The following MIA3 variants were observed in gnomAD, a reference collection of about 807,000 sequenced individuals.
The protein encoded by MIA3 is transport and Golgi organization protein 1 homolog.
A neutral mutation model predicts 192.4 loss-of-function variants in MIA3; 90 were observed. The observed-to-expected ratio is 0.47, with a 90% CI of 0.39 to 0.56. MIA3 has a LOEUF of 0.56. Ranked by LOEUF, MIA3 falls within the 20% of genes least tolerant of loss-of-function variation. The pLI, the probability that MIA3 is intolerant of heterozygous loss-of-function variation, is 0.00. For synonymous variants in MIA3, 740 were observed against 792.8 expected, an observed-to-expected ratio of 0.93 and a Z score of 1.12; for missense variants, 2,123 against 2,269.4, an observed-to-expected ratio of 0.94 and a Z score of 1.31.
intron 6 of MIA3, chr1:222,641,842 T>C (rs1662874299): frequency 2.0e-6 from 1 of 510,304 alleles, no homozygotes; most frequent in Non-Finnish European, 4.0e-6. Flanking sequence ...CAGATTCATC[T>C]CTGTGATAGT....
At position 222,632,256 on chromosome 1, in the gene MIA3, A is replaced by T. The variant is rs1662430806; in HGVS notation, c.3261A>T (p.Gln1087His). 2 of 1,614,056 alleles carry T rather than the reference A, an allele frequency of 1.2e-6. No homozygotes were observed. Among genetic ancestry groups the T allele is most frequent in the South Asian group, 2.2e-5 (2 of 91,088 alleles). The stretch of plus-strand genomic sequence containing the variant: ...CTGAAGAACCCACCCACTTGGACCA[A>T]CGTGTGATTGGGGACACTCATGCCT... Reference protein sequence around the residue: ...QVPEEPTHLDQRVIGDTHASE... With the variant: ...QVPEEPTHLDHRVIGDTHASE... The change falls in exon 5 of 28, where the codon CAA becomes CAT. Residue 1087 changes from glutamine (Q) to histidine (H), a missense_variant. Coordinates refer to ENST00000344922, the MANE Select transcript of MIA3 (RefSeq NM_198551.4).
chr1:222,622,992 G>T (rs1473237705), intron 2 of MIA3, among the ~76,000 whole-genome samples: 2 of 152,200 alleles, frequency 1.3e-5, no homozygotes, highest in African/African-American at 4.8e-5. Context: ...GCTTTGTATG[G>T]CAGTTAATTT....
At chr1:222,639,919 G>C (rs1318890237) in intron 6 of MIA3, among the ~76,000 whole-genome samples, 3 of 152,038 alleles carry the variant, frequency 2.0e-5, no homozygotes, top group African/African-American at 7.2e-5. Context: ...ATCCAGATTG[G>C]GAAATAAGTA....
At chr1:222,658,932 T>A in intron 19 of MIA3, 109 bp downstream of exon 19, 5 of 658,002 alleles carry the variant, frequency 7.6e-6, no homozygotes, top group Non-Finnish European at 1.3e-5. Flanking sequence ...ATACATCAAT[T>A]CACACAAAAG....
rs1174899648 is a variant in MIA3, at chr1:222,629,195, C to T, written c.1975C>T (p.Gln659Ter). Reference sequence around the variant, plus strand: ...TCTGGGAAGAAATCTTCCCTGGCAACAAGAAAGAGATGTGGCTGCCACAGC... The same window carrying T: ...TCTGGGAAGAAATCTTCCCTGGCAATAAGAAAGAGATGTGGCTGCCACAGC... ...PILGRNLPWQQERDVAATASK... is the reference protein window; with the variant it reads ...PILGRNLPWQ Residue 659 changes from glutamine (Q) to a stop codon, truncating the protein, a stop_gained, in exon 4 of 28, where the codon CAA becomes TAA. Transcript: ENST00000344922. LOFTEE classifies it high-confidence loss of function. 6.2e-7 allele frequency: 1 copy of T among 1,614,074 alleles called. No individual in the cohort carries two copies. Among genetic ancestry groups the T allele is most frequent in the Non-Finnish European group, 8.5e-7 (1 of 1,180,016 alleles).
intron 18 of MIA3, among the ~76,000 whole-genome samples, chr1:222,656,457 T>C (rs1663735376): frequency 6.6e-6 from 1 of 152,174 alleles, no homozygotes; most frequent in Non-Finnish European, 1.5e-5. Context: ...ATTATCATTC[T>C]TATTTTCTCT....
At chr1:222,663,538 T>G (rs1430233786) in intron 26 of MIA3, among the ~76,000 whole-genome samples, 1 of 152,206 alleles carries the variant, frequency 6.6e-6, no homozygotes, top group African/African-American at 2.4e-5. Flanking sequence ...TCAGAATTTG[T>G]GTTAATATAT....
At chr1:222,633,941 C>T (rs971064934) in intron 6 of MIA3, among the ~76,000 whole-genome samples, 1 of 151,838 alleles carries the variant, frequency 6.6e-6, no homozygotes, top group African/African-American at 2.4e-5. Context: ...ACCTCTGCCT[C>T]CTGGGCTCAG....
chr1:222,632,994 G>T (rs184034030), intron 5 of MIA3, 110 bp from the exon 6 acceptor site: 52 of 1,131,410 alleles, frequency 4.6e-5, no homozygotes, highest in Non-Finnish European at 5.9e-5. Flanking sequence ...AGATGAGAAC[G>T]TTTACTTTCC....
intron 24 of MIA3, chr1:222,660,569 A>G: frequency 3.9e-6 from 1 of 256,184 alleles, no homozygotes. Flanking sequence ...TTATCTTTCA[A>G]TTAAAGTTCT....
intron 26 of MIA3, among the ~76,000 whole-genome samples, chr1:222,663,752 C>T (rs542617245): frequency 3.3e-5 from 5 of 152,268 alleles, no homozygotes; most frequent in East Asian, 1.9e-4. Flanking sequence ...ATAACCTGTG[C>T]GTTCCCTTCC....
At position 222,628,886 on chromosome 1, in the gene MIA3, A is replaced by C; in HGVS notation, c.1666A>C (p.Ser556Arg). 2 of 1,614,180 alleles carry C rather than the reference A, an allele frequency of 1.2e-6. No individual in the cohort carries two copies. Among genetic ancestry groups the C allele is most frequent in the Non-Finnish European group, 1.7e-6 (2 of 1,180,038 alleles). Residue 556 changes from serine (S) to arginine (R), a missense_variant, in exon 4 of 28, where the codon AGT (serine) becomes CGT (arginine). By Grantham distance (110) the Ser-to-Arg change is moderately radical. Around this residue, in one of 3 missense-constraint regions of MIA3, gnomAD observed 1,357 missense variants for 1,396.1 expected, o/e 0.97. Coordinates refer to ENST00000344922, the MANE Select transcript of MIA3 (RefSeq NM_198551.4). ...GEQILEGGSE[S>R]ESAQKAAGNQ... is the part of the protein sequence containing the mutation. The stretch of plus-strand genomic sequence containing the variant: ...GCAGATTTTGGAAGGTGGCTCAGAG[A>C]GTGAATCTGCACAGAAAGCTGCAGG...
At chr1:222,644,583 G>T (rs1663041888) in intron 6 of MIA3, 1 of 1,550,584 alleles carries the variant, frequency 6.4e-7, no homozygotes. Flanking sequence ...CCAAGCTGCT[G>T]GAGGTGACAG....
intron 11 of MIA3, among the ~76,000 whole-genome samples, chr1:222,651,128 T>C (rs1423853316): frequency 1.3e-5 from 2 of 152,144 alleles, no homozygotes; most frequent in African/African-American, 4.8e-5. Flanking sequence ...AATTGTCATA[T>C]TGCTTGGCTC....
chr1:222,628,211 C>A lies in MIA3; in HGVS notation c.991C>A (p.Leu331Ile), dbSNP rs369272959. 6.2e-7 allele frequency: 1 copy of A among 1,614,124 alleles called. No homozygotes were observed. Among genetic ancestry groups the A allele is most frequent in the African/African-American group, 1.3e-5 (1 of 75,032 alleles). ...NQEDFDELPL[L>I]TFTDGEDMKT... ...AGAAGACTTTGATGAGTTGCCATTA[C>A]TTACCTTTACAGATGGGGAAGATAT... Residue 331 changes from leucine to isoleucine, a missense_variant, in exon 4 of 28, where the codon CTT becomes ATT. Physicochemically the swap from Leu to Ile is conservative, Grantham distance 5. This residue lies in a region of MIA3 where 1,357 missense variants were observed against 1,396.1 expected (regional missense o/e 0.97). Transcript: ENST00000344922.
chr1:222,654,357 T>C, intron 16 of MIA3, 32 bp from the exon 17 acceptor site: 1 of 1,612,226 alleles, frequency 6.2e-7, no homozygotes, highest in Non-Finnish European at 8.5e-7. Flanking sequence ...TGCCTCACTT[T>C]TATGAATACT....
In MIA3 at chr1:222,629,251, C is replaced by G. The variant is rs1013183658; in HGVS notation, c.2031C>G (p.Leu677=). The G allele has an allele frequency of 1.9e-5, 31 of 1,614,066 alleles. No individual in the cohort carries two copies. The highest frequency in any genetic ancestry group is 3.3e-5 in the Admixed American group (2 of 60,008). Residue 677 remains leucine, a synonymous_variant, in exon 4 of 28, where the codon CTC becomes CTG. Coordinates refer to ENST00000344922, the MANE Select transcript of MIA3 (RefSeq NM_198551.4). Reference sequence around the variant, plus strand: ...AGCAAATGAGTGAGAAGATAAGGCTCTCTGAGGGAGAAGCCAAAGAGGACT... The same window carrying G: ...AGCAAATGAGTGAGAAGATAAGGCTGTCTGAGGGAGAAGCCAAAGAGGACT... The part of the protein sequence containing the change: ...ASKQMSEKIR[L]SEGEAKEDSL...
rs1443396413 is a variant in MIA3 at position 222,642,623 on chromosome 1, A to T, written c.3478-2931A>T. On this transcript the variant is annotated intron_variant, in intron 6 of 27. Coordinates refer to ENST00000344922, the MANE Select transcript of MIA3 (RefSeq NM_198551.4). ...AGGTAAATACACAAGTTATTTCAGG[A>T]GACGTTGCCAAATCATAGGGGTTGT... Among the ~76,000 whole-genome samples, 3 of 152,218 alleles carry T rather than the reference A, an allele frequency of 2.0e-5. No individual in the cohort carries two copies. The East Asian group carries it at 5.8e-4, about 29-fold the overall frequency.
At chr1:222,658,355 A>G (rs1176551391) in intron 18 of MIA3, among the ~76,000 whole-genome samples, 1 of 152,220 alleles carries the variant, frequency 6.6e-6, no homozygotes, top group Non-Finnish European at 1.5e-5. Flanking sequence ...ATGGTTAGAA[A>G]TAAGAGAATT....
Sources: gnomAD v4.1 joint callset for allele counts (sites outside exome capture counted in the v4.1 genomes callset) on GRCh38, gnomAD v4.1.1 for gene constraint, gnomAD v4.1.1 regional missense constraint, MANE v1.5 for transcripts, NCBI Gene and HGNC (gene_info 2026-07-23, HGNC 2026-07-21) for gene names.